The following PLXNA2 variants were observed in gnomAD, a reference collection of about 807,000 sequenced individuals.
PLXNA2 encodes plexin-A2.
PLXNA2 carries 91 observed loss-of-function variants against 193.5 expected under a neutral mutation model. That is an observed-to-expected ratio of 0.47 (90% confidence interval 0.40 to 0.56). The LOEUF is 0.56. Among genes scored for constraint, PLXNA2 ranks in the 20% least tolerant of loss-of-function variants. The pLI, the probability that PLXNA2 is intolerant of heterozygous loss-of-function variation, is 0.00. For missense variants in PLXNA2, 1,995 were observed against 2,503.2 expected (o/e 0.80, Z 4.33); for synonymous variants, 997 against 1,027.3 (o/e 0.97, Z 0.56).
intron 3 of PLXNA2, among the ~76,000 whole-genome samples, chr1:208,185,719 G>GAAAA (rs3991419): frequency 0.31 from 32,421 of 105,056 alleles, 4,110 homozygotes; most frequent in Non-Finnish European, 0.35. Flanking sequence ...AAAAAAAAAA[G>GAAAA]GAAAAAAAAA....
intron 4 of PLXNA2, among the ~76,000 whole-genome samples, chr1:208,117,341 C>T (rs375929358): frequency 1.2e-4 from 18 of 152,250 alleles, no homozygotes; most frequent in African/African-American, 2.4e-4. Context: ...GGAGGCAGAG[C>T]GAAGCAGGAA....
intron 6 of PLXNA2, among the ~76,000 whole-genome samples, chr1:208,097,476 T>C (rs1380676116): frequency 6.6e-6 from 1 of 152,164 alleles, no homozygotes; most frequent in Non-Finnish European, 1.5e-5. Flanking sequence ...AATGGACCAG[T>C]AGGTTCATAA....
chr1:208,054,391 C>T, intron 14 of PLXNA2, 30 bp downstream of exon 14: 4 of 1,489,908 alleles, frequency 2.7e-6, no homozygotes, highest in Non-Finnish European at 3.7e-6. Flanking sequence ...TCCCTGGGCA[C>T]CTGCACCTGG....
At chr1:208,198,897 T>G (rs1670449764) in intron 3 of PLXNA2, among the ~76,000 whole-genome samples, 1 of 152,236 alleles carries the variant, frequency 6.6e-6, no homozygotes, top group African/African-American at 2.4e-5. Flanking sequence ...GTTACTTAGT[T>G]TTGTTGAGCC....
At chr1:208,108,049 G>A (rs750585475) in intron 4 of PLXNA2, among the ~76,000 whole-genome samples, 1 of 152,110 alleles carries the variant, frequency 6.6e-6, no homozygotes, top group Non-Finnish European at 1.5e-5. Flanking sequence ...TGGCCCCGGG[G>A]CCCCGCGTCT....
chr1:208,074,625 T>C (rs563966403), intron 12 of PLXNA2, among the ~76,000 whole-genome samples: 1 of 152,338 alleles, frequency 6.6e-6, no homozygotes, highest in Admixed American at 6.5e-5. Context: ...ATAACACAGC[T>C]GTTTATCTAA....
At chr1:208,032,015 G>T in intron 28 of PLXNA2, 1 of 984,764 alleles carries the variant, frequency 1.0e-6, no homozygotes, top group Non-Finnish European at 1.2e-6. Flanking sequence ...CAGGGTGTAG[G>T]CTCAGGGTCT....
chr1:208,178,118 CCT>C (rs10557925), intron 3 of PLXNA2, among the ~76,000 whole-genome samples: 54,642 of 151,702 alleles, frequency 0.36, 9,981 homozygotes, highest in Middle Eastern at 0.41. Context: ...TACCTTCTTT[CCT>C]CTTTATCCTA....
At chr1:208,030,122 C>T in intron 29 of PLXNA2, 1 of 985,532 alleles carries the variant, frequency 1.0e-6, no homozygotes. Context: ...GCCTATCTTC[C>T]AAAACACAAC....
chr1:208,056,721 G>C (rs931544918), intron 13 of PLXNA2, among the ~76,000 whole-genome samples: 1 of 152,188 alleles, frequency 6.6e-6, no homozygotes. Flanking sequence ...CAGGATGCAG[G>C]GGTCCAGGGG....
intron 8 of PLXNA2, among the ~76,000 whole-genome samples, chr1:208,094,116 T>C (rs1339653296): frequency 6.6e-6 from 1 of 152,244 alleles, no homozygotes. Context: ...CTGAGCTTCA[T>C]GCTATCTCAT....
chr1:208,195,245 T>C (rs1315189522), intron 3 of PLXNA2, among the ~76,000 whole-genome samples: 2 of 152,112 alleles, frequency 1.3e-5, no homozygotes, highest in African/African-American at 4.8e-5. Flanking sequence ...CTCCTTCTGA[T>C]TGGAAAGTTG....
At chr1:208,150,266 G>A (rs932671270) in intron 3 of PLXNA2, among the ~76,000 whole-genome samples, 4 of 152,130 alleles carry the variant, frequency 2.6e-5, no homozygotes, top group South Asian at 2.1e-4. Context: ...GTCAATCTTC[G>A]GTTAACACTG....
intron 4 of PLXNA2, among the ~76,000 whole-genome samples, chr1:208,125,544 G>A (rs1667948141): frequency 6.6e-6 from 1 of 151,962 alleles, no homozygotes; most frequent in Admixed American, 6.6e-5. Context: ...CATTAATCTG[G>A]GCATGCTCCA....
intron 2 of PLXNA2, among the ~76,000 whole-genome samples, chr1:208,213,100 A>C (rs1479574096): frequency 6.6e-6 from 1 of 152,218 alleles, no homozygotes; most frequent in African/African-American, 2.4e-5. Context: ...TGATGACAGA[A>C]GCAAAAACCT....
chr1:208,191,576 C>A (rs1670183101), intron 3 of PLXNA2, among the ~76,000 whole-genome samples: 1 of 152,180 alleles, frequency 6.6e-6, no homozygotes. Flanking sequence ...ATTTACATGT[C>A]CCTCACAATG....
chr1:208,034,533 A>C lies in PLXNA2; in HGVS notation c.4824T>G (p.Pro1608=), dbSNP rs1448982297. Residue 1608 remains proline (P), a synonymous_variant, in exon 27 of 32, where the codon CCT becomes CCG. Coordinates refer to ENST00000367033, the MANE Select transcript of PLXNA2 (RefSeq NM_025179.4). ...VPKQTSSYNI[P]ASASISRTSI... ...ACGTCCGGGAGATGCTGGCAGAGGC[A>C]GGGATGTTGTAGGAGGAGGTCTGTT... is the stretch of plus-strand genomic sequence containing the variant. The C allele has an allele frequency of 1.4e-5, 23 of 1,613,972 alleles. No individual in the cohort carries two copies. Among genetic ancestry groups the C allele is most frequent in the Non-Finnish European group, 1.9e-5 (23 of 1,179,944 alleles).
Position 208,135,544 on chromosome 1 carries a change from A to G in PLXNA2, c.1506+6785T>C, listed in dbSNP as rs898783009. 5.9e-5 allele frequency among the ~76,000 whole-genome samples: 9 copies of G among 152,346 alleles called. No individual in the cohort carries two copies. The South Asian group carries it at 1.2e-3, about 21-fold the overall frequency. On this transcript the variant is annotated intron_variant, in intron 4 of 31. Transcript: ENST00000367033. ...CATTTTCAGGGCCCACAGGCATTTG[A>G]TAGACCTCAGGTAGGACTTACACAA...
chr1:208,053,702 G>A (rs898995599), intron 14 of PLXNA2, among the ~76,000 whole-genome samples: 3 of 152,312 alleles, frequency 2.0e-5, no homozygotes, highest in East Asian at 1.9e-4. Context: ...CTTCGGGGCC[G>A]AAGAAGCCAA....
Sources: gnomAD v4.1 joint callset for allele counts (sites outside exome capture counted in the v4.1 genomes callset) on GRCh38, gnomAD v4.1.1 for gene constraint, MANE v1.5 for transcripts, NCBI Gene and HGNC (gene_info 2026-07-23, HGNC 2026-07-21) for gene names.